GSE1: variants seen among roughly 807,000 people sequenced by gnomAD.
GSE1 encodes the protein Gse1 coiled-coil protein.
GSE1 carries 32 observed loss-of-function variants against 112.6 expected under a neutral mutation model. The ratio of observed to expected loss-of-function variants is 0.28; its 90% confidence interval spans 0.21 to 0.38. The LOEUF is 0.38. Among genes scored for constraint, GSE1 ranks in the 10% least tolerant of loss-of-function variants. The pLI is 1.00. For missense variants in GSE1, 2,348 were observed against 1,699.2 expected (o/e 1.38, Z -6.71); for synonymous variants, 1,115 against 735.6 (o/e 1.52, Z -8.35).
At chr16:85,444,460 AGAGCTGCC>A (rs2049458725) in intron 2 of GSE1, among the ~76,000 whole-genome samples, 1 of 152,096 alleles carries the variant, frequency 6.6e-6, no homozygotes, top group South Asian at 2.1e-4. Context: ...GCTGGCGTTG[AGAGCTGCC>A]GAGTCTGGTT....
intron 1 of GSE1, among the ~76,000 whole-genome samples, chr16:85,347,717 T>C (rs2046772114): frequency 6.6e-6 from 1 of 152,136 alleles, no homozygotes; most frequent in East Asian, 1.9e-4. Context: ...GGTCAGCCCC[T>C]GCAGGGACAA....
At position 85,423,222 on chromosome 16, in the gene GSE1, C is replaced by T. The variant is rs74655029; in HGVS notation, c.2464+65579C>T. 3.6e-3 allele frequency among the ~76,000 whole-genome samples: 545 copies of T among 152,362 alleles called. 5 individuals carry two copies. Among genetic ancestry groups the T allele is most frequent in the African/African-American group, 0.012 (516 of 41,592 alleles). ...CCCTTCTCTGCAGGGAAGGGGCAAA[C>T]GCCCAGCCAAGCTGGAGAGCCATTT... On this transcript the variant is annotated intron_variant, in intron 2 of 2. Coordinates refer to the GSE1 transcript ENST00000637419.
upstream of GSE1, among the ~76,000 whole-genome samples, chr16:85,606,474 T>C (rs2047708242): frequency 6.6e-6 from 1 of 152,182 alleles, no homozygotes; most frequent in Non-Finnish European, 1.5e-5. Context: ...GTGCAGGGGA[T>C]GGAACGGAGG....
At chr16:85,341,115 C>T (rs79598028) in intron 1 of GSE1, among the ~76,000 whole-genome samples, 24,513 of 152,200 alleles carry the variant, frequency 0.16, 2,420 homozygotes, top group East Asian at 0.4. Flanking sequence ...GAATTGAAAC[C>T]TTCCTGACTG....
At chr16:85,503,211 A>C (rs1459244790) in intron 2 of GSE1, among the ~76,000 whole-genome samples, 1 of 152,248 alleles carries the variant, frequency 6.6e-6, no homozygotes, top group African/African-American at 2.4e-5. Context: ...CGCTGAAGCC[A>C]GGATTTCCAT....
intron 1 of GSE1, among the ~76,000 whole-genome samples, chr16:85,182,100 C>T (rs971930813): frequency 2.6e-5 from 4 of 152,224 alleles, no homozygotes; most frequent in African/African-American, 9.6e-5. Context: ...AGGCTGTTCA[C>T]ACCAAGCATG....
rs553913350 is a variant in GSE1, at chr16:85,639,837, C to T, written c.226+5705C>T. Among the ~76,000 whole-genome samples, 99 of 152,362 alleles carry T rather than the reference C, an allele frequency of 6.5e-4. 2 individuals are homozygous for T. Among genetic ancestry groups the T allele is most frequent in the Admixed American group, 5.1e-3 (78 of 15,308 alleles). On this transcript the variant is annotated intron_variant, in intron 2 of 15. Coordinates refer to ENST00000253458, the MANE Select transcript of GSE1 (RefSeq NM_014615.5). ...GCATCTGCTTGCCGTGTGCAGCAGGCGGCAGCCTCCCGCAGGGACGCAGCG... is the reference window on the plus strand; with the variant it reads ...GCATCTGCTTGCCGTGTGCAGCAGGTGGCAGCCTCCCGCAGGGACGCAGCG...
chr16:85,289,897 A>G (rs145989300), intron 1 of GSE1, among the ~76,000 whole-genome samples: 1 of 152,242 alleles, frequency 6.6e-6, no homozygotes, highest in East Asian at 1.9e-4. Flanking sequence ...GCTTCTGAGC[A>G]TGTGTGTGCC....
chr16:85,618,136 C>T (rs146433587), intron 1 of GSE1, among the ~76,000 whole-genome samples: 363 of 152,220 alleles, frequency 2.4e-3, no homozygotes, highest in Non-Finnish European at 3.6e-3. Context: ...CCGGTTCCTC[C>T]AGCTGGAGGA....
At chr16:85,351,410 A>G (rs1343010260) in intron 1 of GSE1, among the ~76,000 whole-genome samples, 2 of 152,212 alleles carry the variant, frequency 1.3e-5, no homozygotes, top group African/African-American at 2.4e-5. Flanking sequence ...AAAAGGCCAC[A>G]TATTGGATTT....
At chr16:85,330,712 C>T (rs959425052) in intron 1 of GSE1, among the ~76,000 whole-genome samples, 3 of 152,230 alleles carry the variant, frequency 2.0e-5, no homozygotes, top group Non-Finnish European at 2.9e-5. Context: ...TGTGAAACGA[C>T]ATCTGCCCGG....
rs766447038 is a variant in GSE1 at position 85,633,994 on chromosome 16, A to G, written c.88A>G (p.Thr30Ala). ...TRTTATVNPL[T>A]PSPLNGALVP... ...GACCACCGCCACCGTCAACCCCCTC[A>G]CCCCCTCGCCGCTCAATGGCGCCCT... The change falls in exon 2 of 16, where the codon ACC becomes GCC. Residue 30 changes from threonine to alanine, a missense_variant. Transcript: ENST00000253458. 5 of 1,607,874 alleles carry G rather than the reference A, an allele frequency of 3.1e-6. No homozygotes were observed. The highest frequency in any genetic ancestry group is 4.2e-6 in the Non-Finnish European group (5 of 1,177,978).
intron 1 of GSE1, among the ~76,000 whole-genome samples, chr16:85,627,043 C>CTTTTTTTTTTTTTTTTTTTTTTTTTTTTT (rs1310553127): frequency 3.5e-5 from 1 of 28,672 alleles, no homozygotes; most frequent in African/African-American, 1.8e-4. Flanking sequence ...TTTCTTCTTG[C>CTTTTTTTTTTTTTTTTTTTTTTTTTTTTT]CTTTTTTTTT....
intron 1 of GSE1, among the ~76,000 whole-genome samples, chr16:85,590,340 A>C (rs2046940826): frequency 1.5e-5 from 2 of 137,750 alleles, no homozygotes; most frequent in Non-Finnish European, 3.0e-5. Flanking sequence ...GTGTGTGATT[A>C]ACGCGTGGGC....
chr16:85,402,540 C>T (rs564629513), intron 2 of GSE1, among the ~76,000 whole-genome samples: 4 of 152,216 alleles, frequency 2.6e-5, no homozygotes, highest in South Asian at 2.1e-4. Context: ...CATGTGGAGC[C>T]GGGGCTGGGA....
intron 1 of GSE1, among the ~76,000 whole-genome samples, chr16:85,587,866 C>G (rs1194249948): frequency 6.6e-6 from 1 of 152,180 alleles, no homozygotes; most frequent in African/African-American, 2.4e-5. Flanking sequence ...CTTCCCGTGT[C>G]TGGACGGTGA....
chr16:85,417,850 T>C (rs2048738380), intron 2 of GSE1, among the ~76,000 whole-genome samples: 1 of 152,208 alleles, frequency 6.6e-6, no homozygotes, highest in African/African-American at 2.4e-5. Context: ...CTTTTTTCTT[T>C]TTCTTTTGAG....
chr16:85,563,918 A>G (rs368234032), intron 1 of GSE1, among the ~76,000 whole-genome samples: 1 of 152,288 alleles, frequency 6.6e-6, no homozygotes, highest in South Asian at 2.1e-4. Context: ...TTTCGCACAG[A>G]ACACGTGCCT....
At chr16:85,318,118 C>T (rs1215802425) in intron 1 of GSE1, among the ~76,000 whole-genome samples, 1 of 152,190 alleles carries the variant, frequency 6.6e-6, no homozygotes, top group East Asian at 1.9e-4. Context: ...GGGCAGGAGG[C>T]TTCAGATCTG....
Sources: gnomAD v4.1 joint callset for allele counts (sites outside exome capture counted in the v4.1 genomes callset) on GRCh38, gnomAD v4.1.1 for gene constraint, MANE v1.5 for transcripts, NCBI Gene and HGNC (gene_info 2026-07-23, HGNC 2026-07-21) for gene names.